STYK1: variants seen among roughly 807,000 people sequenced by gnomAD.
STYK1 encodes tyrosine-protein kinase STYK1.
Under a neutral mutation model 48.1 loss-of-function variants are expected in STYK1, and 46 were observed. The observed-to-expected ratio is 0.96, with a 90% CI of 0.75 to 1.22. STYK1 has a LOEUF of 1.22. Among genes scored for constraint, STYK1 ranks in the 50% most tolerant of loss-of-function variants. The probability of loss-of-function intolerance (pLI) is 0.00; values close to 1 mark genes in which losing one functional copy is unlikely to be tolerated. For missense variants in STYK1, 527 were observed against 521.1 expected, an observed-to-expected ratio of 1.01 and a Z score of -0.11; for synonymous variants, 188 against 189.0, an observed-to-expected ratio of 0.99 and a Z score of 0.04.
intron 1 of STYK1, among the ~76,000 whole-genome samples, chr12:10,653,738 G>A (rs1322356286): frequency 6.6e-6 from 1 of 152,172 alleles, no homozygotes; most frequent in African/African-American, 2.4e-5. Context: ...TAAAGCAAAG[G>A]TATATGAATA....
intron 1 of STYK1, among the ~76,000 whole-genome samples, chr12:10,641,749 G>A (rs973790820): frequency 6.6e-6 from 1 of 152,150 alleles, no homozygotes; most frequent in African/African-American, 2.4e-5. Flanking sequence ...AACTCCTGGC[G>A]AGAGGAAAAA....
intron 1 of STYK1, among the ~76,000 whole-genome samples, chr12:10,644,115 TATA>T (rs1343113459): frequency 6.6e-6 from 1 of 152,222 alleles, no homozygotes; most frequent in African/African-American, 2.4e-5. Context: ...GTTCCATCCG[TATA>T]ATATTTCCAA....
At position 10,627,660 on chromosome 12, in the gene STYK1, T is replaced by C. The variant is rs548327379; in HGVS notation, c.698A>G (p.Lys233Arg). ...TCTTACCAGCGCCAAAAGGACCTGC[T>C]TTCCGATGTGATATACTTGTTTTTC... ...LTEKQVYHIG[K>R]QVLLALEFLQ... The change falls in exon 7 of 11, where the codon AAG (lysine) becomes AGG (arginine). Residue 233 changes from lysine (K) to arginine (R), a missense_variant. By Grantham distance (26) the Lys-to-Arg change is conservative. Transcript: ENST00000075503. The C allele has an allele frequency of 1.9e-6, 3 of 1,613,908 alleles. No individual in the cohort carries two copies. The African/African-American group carries it at 4.0e-5, about 22-fold the overall frequency.
chr12:10,627,647 C>T lies in STYK1; in HGVS notation c.711G>A (p.Leu237=). Residue 237 remains leucine, a synonymous_variant, in exon 7 of 11, where the codon TTG becomes TTA. Coordinates refer to ENST00000075503, the MANE Select transcript of STYK1 (RefSeq NM_018423.3). Reference sequence around the variant, plus strand: ...TCATGTTGCCTCATCTTACCAGCGCCAAAAGGACCTGCTTTCCGATGTGAT... The same window carrying T: ...TCATGTTGCCTCATCTTACCAGCGCTAAAAGGACCTGCTTTCCGATGTGAT... The part of the protein sequence containing the change: ...QVYHIGKQVL[L]ALEFLQEKHL... 6.2e-6 allele frequency: 10 copies of T among 1,613,070 alleles called. No homozygotes were observed. The highest frequency in any genetic ancestry group is 8.5e-6 in the Non-Finnish European group (10 of 1,179,682).
In STYK1 at chr12:10,666,902, T is replaced by C. The variant is rs757430365; in HGVS notation, c.-195+7064A>G. ...TATAAATTACCCAGTCTTGGGCAGT[T>C]CTTTATAGCAGTGTGAGAAAGGACT... On this transcript the variant is annotated intron_variant, in intron 1 of 10. Transcript: ENST00000075503. Among the ~76,000 whole-genome samples the C allele has an allele frequency of 1.1e-4, 16 of 152,330 alleles. No homozygotes were observed. The Middle Eastern group carries it at 0.014, about 130-fold the overall frequency.
At chr12:10,624,967 T>C (rs1947339856) in intron 7 of STYK1, 108 bp from the exon 8 acceptor site, 1 of 860,736 alleles carries the variant, frequency 1.2e-6, no homozygotes, top group East Asian at 2.5e-5. Context: ...CATTTTCTAC[T>C]CTGAACAAGT....
chr12:10,619,911 C>T lies in STYK1; in HGVS notation c.*233G>A. 2 of 600,070 alleles carry T rather than the reference C, an allele frequency of 3.3e-6. No individual in the cohort carries two copies. The highest frequency in any genetic ancestry group is 5.9e-6 in the Non-Finnish European group (2 of 340,552). The allele number at this position is 600,070 out of a possible 1,614,324, so 37.2% of individuals were successfully genotyped here. A position where few individuals can be genotyped will look rare whatever the true frequency, so the allele number is the denominator to read the frequency against. On this transcript the variant is annotated 3_prime_UTR_variant, in exon 11 of 11. Coordinates refer to ENST00000075503, the MANE Select transcript of STYK1 (RefSeq NM_018423.3). ...TTTGCACAGGTCCACCACTTCTACC[C>T]AGGATTTCTAGGACTGGGACAGCAG...
chr12:10,631,391 G>T, intron 4 of STYK1, 83 bp from the exon 5 acceptor site: 1 of 1,539,176 alleles, frequency 6.5e-7, no homozygotes, highest in Non-Finnish European at 8.8e-7. Flanking sequence ...TTGGCAAGGA[G>T]GTTCCTTCAG....
intron 1 of STYK1, among the ~76,000 whole-genome samples, chr12:10,662,116 T>C (rs981884758): frequency 1.3e-5 from 2 of 152,260 alleles, no homozygotes; most frequent in Admixed American, 6.5e-5. Flanking sequence ...TCATACAGTA[T>C]GTGGACTTTT....
At chr12:10,654,868 T>A (rs1019329056) in intron 1 of STYK1, among the ~76,000 whole-genome samples, 9 of 152,208 alleles carry the variant, frequency 5.9e-5, no homozygotes, top group Non-Finnish European at 1.3e-4. Context: ...AATAGGCATG[T>A]ACAGGATCAC....
chr12:10,623,881 A>T (rs1947326789), intron 8 of STYK1, among the ~76,000 whole-genome samples: 1 of 152,176 alleles, frequency 6.6e-6, no homozygotes, highest in Non-Finnish European at 1.5e-5. Context: ...TGGGAAACTC[A>T]TCCTTATAAA....
intron 2 of STYK1, among the ~76,000 whole-genome samples, chr12:10,636,628 C>T (rs1032855174): frequency 3.9e-5 from 6 of 152,156 alleles, no homozygotes; most frequent in South Asian, 2.1e-4. Flanking sequence ...TGGATCAGCA[C>T]GGTGAATTCA....
chr12:10,621,292 T>C (rs1865902428), intron 10 of STYK1, among the ~76,000 whole-genome samples: 1 of 152,186 alleles, frequency 6.6e-6, no homozygotes, highest in African/African-American at 2.4e-5. Context: ...TCACTAACTG[T>C]CCCAATCTGC....
At chr12:10,630,950 G>C (rs1418694434) in intron 5 of STYK1, 95 bp downstream of exon 5, 1 of 1,491,970 alleles carries the variant, frequency 6.7e-7, no homozygotes, top group East Asian at 2.3e-5. Flanking sequence ...ACACAGTTAT[G>C]ATCACAACTA....
intron 1 of STYK1, chr12:10,673,648 T>C (rs1188075423): frequency 6.6e-6 from 1 of 150,932 alleles, no homozygotes; most frequent in East Asian, 2.0e-4. Context: ...GATGGCCCCC[T>C]CTCCAGGAAT....
intron 1 of STYK1, among the ~76,000 whole-genome samples, chr12:10,653,350 C>T (rs966642994): frequency 6.6e-6 from 1 of 151,968 alleles, no homozygotes; most frequent in African/African-American, 2.4e-5. Flanking sequence ...CCATGCCTGG[C>T]CCAATTAACA....
intron 1 of STYK1, among the ~76,000 whole-genome samples, chr12:10,659,056 T>C (rs1229276672): frequency 6.6e-6 from 1 of 152,190 alleles, no homozygotes; most frequent in African/African-American, 2.4e-5. Context: ...GACATTAGGA[T>C]AGAGGCGAAA....
At chr12:10,668,532 C>T (rs1243914263) in intron 1 of STYK1, among the ~76,000 whole-genome samples, 2 of 143,398 alleles carry the variant, frequency 1.4e-5, no homozygotes, top group African/African-American at 5.1e-5. Context: ...CCTGTCACCA[C>T]ACCTGGCTTT....
chr12:10,625,198 C>CTTTTTTT (rs1392687988), intron 7 of STYK1, among the ~76,000 whole-genome samples: 1 of 121,278 alleles, frequency 8.2e-6, no homozygotes, highest in African/African-American at 2.8e-5. Context: ...TTCCAAGTTT[C>CTTTTTTT]TTTCTTTTTT....
Sources: allele counts gnomAD v4.1 joint callset (sites outside exome capture counted in the v4.1 genomes callset), GRCh38; gene constraint gnomAD v4.1.1; transcripts MANE v1.5; gene names NCBI Gene and HGNC (gene_info 2026-07-23, HGNC 2026-07-21).